The following MAP3K1 variants were observed in gnomAD, a reference collection of about 807,000 sequenced individuals.
MAP3K1 encodes MAP/ERK kinase kinase 1.
MAP3K1 carries 36 observed loss-of-function variants against 144.2 expected under a neutral mutation model. The observed-to-expected ratio is 0.25, with a 90% CI of 0.19 to 0.33. MAP3K1 has a LOEUF of 0.33. MAP3K1 is among the 10% of genes least tolerant of loss of function. The pLI is 1.00. For synonymous variants in MAP3K1, 718 were observed against 688.7 expected (o/e 1.04, Z -0.67); for missense variants, 1,650 against 1,881.9 (o/e 0.88, Z 2.28).
intron 2 of MAP3K1, 141 bp from the exon 3 acceptor site, chr5:56,859,574 A>G (rs1747440711): frequency 1.6e-6 from 1 of 635,724 alleles, no homozygotes; most frequent in Non-Finnish European, 2.8e-6. Flanking sequence ...AAGTAATAAT[A>G]AAAGTTGATA....
intron 1 of MAP3K1, among the ~76,000 whole-genome samples, chr5:56,824,459 C>G (rs1022835934): frequency 6.6e-6 from 1 of 152,204 alleles, no homozygotes; most frequent in East Asian, 1.9e-4. Flanking sequence ...GTGAGTCCTG[C>G]AAGAGGCAGG....
At chr5:56,888,030 A>C (rs1467227246) in intron 18 of MAP3K1, 196 bp from the exon 19 acceptor site, 2 of 608,898 alleles carry the variant, frequency 3.3e-6, no homozygotes, top group Non-Finnish European at 5.7e-6. Context: ...TCAGAATCTC[A>C]CAATTCTCCA....
chr5:56,853,905 A>G (rs1479425969), intron 1 of MAP3K1, among the ~76,000 whole-genome samples: 1 of 152,102 alleles, frequency 6.6e-6, no homozygotes, highest in Non-Finnish European at 1.5e-5. Flanking sequence ...CCCGGGGGGA[A>G]CCACTAGAGC....
In MAP3K1 at chr5:56,859,905, C is replaced by T; in HGVS notation, c.824C>T (p.Ser275Phe). 6 of 1,610,882 alleles carry T rather than the reference C, an allele frequency of 3.7e-6. No homozygotes were observed. Among genetic ancestry groups the T allele is most frequent in the Non-Finnish European group, 5.1e-6 (6 of 1,178,084 alleles). The part of the protein sequence containing the change: ...ESPGVRRKRV[S>F]PVPFQSGRIT... Reference sequence around the variant, plus strand: ...CCAGGAGTAAGGAGAAAAAGAGTTTCCCCAGTGCCTGTAAGTTAATGTTAC... The same window carrying T: ...CCAGGAGTAAGGAGAAAAAGAGTTTTCCCAGTGCCTGTAAGTTAATGTTAC... Residue 275 changes from serine (S) to phenylalanine (F), a missense_variant, in exon 3 of 20, where the codon TCC becomes TTC. Coordinates refer to ENST00000399503, the MANE Select transcript of MAP3K1 (RefSeq NM_005921.2).
intron 1 of MAP3K1, among the ~76,000 whole-genome samples, chr5:56,824,295 T>C (rs1581205877): frequency 6.6e-6 from 1 of 152,274 alleles, no homozygotes; most frequent in Non-Finnish European, 1.5e-5. Flanking sequence ...TAACAAAATA[T>C]GTGCTTTGAA....
At chr5:56,862,909 T>A (rs1387917434) in intron 3 of MAP3K1, among the ~76,000 whole-genome samples, 2 of 152,196 alleles carry the variant, frequency 1.3e-5, no homozygotes, top group African/African-American at 4.8e-5. Flanking sequence ...GTGTAGCCAT[T>A]ATTACGGTCG....
chr5:56,829,447 C>T (rs1405153749), intron 1 of MAP3K1, among the ~76,000 whole-genome samples: 1 of 151,952 alleles, frequency 6.6e-6, no homozygotes. Flanking sequence ...CTTGGCCTCC[C>T]AGAATGCCAG....
At chr5:56,841,970 G>A (rs1178711235) in intron 1 of MAP3K1, 2 of 152,158 alleles carry the variant, frequency 1.3e-5, no homozygotes, top group African/African-American at 4.8e-5. Context: ...GATACAGATG[G>A]AATACATTAG....
chr5:56,889,668 C>G (rs1000812993), intron 19 of MAP3K1, among the ~76,000 whole-genome samples: 7 of 152,182 alleles, frequency 4.6e-5, no homozygotes, highest in Non-Finnish European at 8.8e-5. Context: ...AACCCTGGCT[C>G]TACCCCTTAA....
rs1224545000 is a variant in MAP3K1, at chr5:56,864,801, C to T, written c.902C>T (p.Pro301Leu). The change falls in exon 4 of 20, where the codon CCT (proline) becomes CTT (leucine). Residue 301 changes from proline (P) to leucine (L), a missense_variant. Coordinates refer to ENST00000399503, the MANE Select transcript of MAP3K1 (RefSeq NM_005921.2). ...CCAGATGGCTTCTCACCATATAGCC[C>T]TGAGGAAACAAACCGCCGTGTTAAC... ...PSPDGFSPYS[P>L]EETNRRVNKV... The T allele has an allele frequency of 1.9e-6, 3 of 1,614,116 alleles. No individual in the cohort carries two copies. The Admixed American group carries it at 5.0e-5, about 27-fold the overall frequency.
chr5:56,865,733 AC>A, intron 5 of MAP3K1, 95 bp from the exon 6 acceptor site: 1 of 1,326,694 alleles, frequency 7.5e-7, no homozygotes, highest in Non-Finnish European at 1.1e-6. Context: ...TTTATGAAAA[AC>A]ATGCAAATTA....
intron 13 of MAP3K1, 104 bp from the exon 14 acceptor site, chr5:56,881,466 T>C (rs1748204141): frequency 7.5e-6 from 8 of 1,059,898 alleles, no homozygotes; most frequent in Non-Finnish European, 1.1e-5. Context: ...TATGCTGAAA[T>C]GGTTTTTGAA....
At chr5:56,837,751 A>C (rs1170423992) in intron 1 of MAP3K1, among the ~76,000 whole-genome samples, 1 of 152,266 alleles carries the variant, frequency 6.6e-6, no homozygotes, top group Non-Finnish European at 1.5e-5. Flanking sequence ...GGCAGGAGAC[A>C]TAAGCTTGAG....
At chr5:56,820,744 T>G in intron 1 of MAP3K1, 1 of 985,346 alleles carries the variant, frequency 1.0e-6, no homozygotes, top group Non-Finnish European at 1.2e-6. Context: ...CATTCAACAT[T>G]TATGAACTTC....
At chr5:56,868,663 C>G (rs751816568) in intron 6 of MAP3K1, among the ~76,000 whole-genome samples, 1 of 152,074 alleles carries the variant, frequency 6.6e-6, no homozygotes. Context: ...GGATTACAGG[C>G]GTGAGCCACC....
chr5:56,841,386 T>C lies in MAP3K1; in HGVS notation c.483-15214T>C, dbSNP rs532914602. 4.6e-5 allele frequency among the ~76,000 whole-genome samples: 7 copies of C among 152,222 alleles called. No homozygotes were observed. In the East Asian group the frequency reaches 1.4e-3, roughly 29 times the overall value. On this transcript the variant is annotated intron_variant, in intron 1 of 19. Coordinates refer to ENST00000399503, the MANE Select transcript of MAP3K1 (RefSeq NM_005921.2). ...AAGTTTGAATTGCTATGATAGTGAA[T>C]ATTGGAGGAGTCTAAAAGTTCGTAA...
At chr5:56,853,826 G>A (rs982887028) in intron 1 of MAP3K1, among the ~76,000 whole-genome samples, 1 of 152,194 alleles carries the variant, frequency 6.6e-6, no homozygotes, top group Admixed American at 6.5e-5. Context: ...CTGATGACAG[G>A]AATTGAGGTG....
intron 18 of MAP3K1, chr5:56,887,862 G>C (rs1194231067): frequency 2.3e-6 from 1 of 432,504 alleles, no homozygotes; most frequent in Non-Finnish European, 4.2e-6. Flanking sequence ...AGCATACAGA[G>C]GCAGCTCCTG....
chr5:56,846,537 A>C (rs1029803021), intron 1 of MAP3K1, among the ~76,000 whole-genome samples: 18 of 152,178 alleles, frequency 1.2e-4, no homozygotes, highest in African/African-American at 4.3e-4. Flanking sequence ...ATTTGCTACC[A>C]AGTTAACTTG....
Sources: allele counts gnomAD v4.1 joint callset (sites outside exome capture counted in the v4.1 genomes callset), GRCh38; gene constraint gnomAD v4.1.1; transcripts MANE v1.5; gene names NCBI Gene and HGNC (gene_info 2026-07-23, HGNC 2026-07-21).